Variants in ANKRD28 observed in about 807,000 individuals in gnomAD.
ANKRD28 encodes the protein serine/threonine-protein phosphatase 6 regulatory ankyrin repeat subunit A.
Under a neutral mutation model 126.5 loss-of-function variants are expected in ANKRD28, and 44 were observed. The ratio of observed to expected loss-of-function variants is 0.35; its 90% CI spans 0.27 to 0.45. ANKRD28 has a LOEUF of 0.45. Among genes scored for constraint, ANKRD28 ranks in the 20% least tolerant of loss-of-function variants. ANKRD28 has a pLI of 1.00. For synonymous variants in ANKRD28, 442 were observed against 468.5 expected, an observed-to-expected ratio of 0.94 and a Z score of 0.73; for missense variants, 1,110 against 1,316.6, an observed-to-expected ratio of 0.84 and a Z score of 2.43.
chr3:15,796,879 G>C lies in ANKRD28; in HGVS notation c.-358C>G, dbSNP rs536032080. 1.0e-6 allele frequency: 1 copy of C among 987,566 alleles called. No individual in the cohort carries two copies. Among genetic ancestry groups the C allele is most frequent in the South Asian group, 4.6e-5 (1 of 21,692 alleles). The allele number at this position is 987,566 out of a possible 1,614,324, so 61.2% of individuals were successfully genotyped here. ...ATTGCTCTATCTCTGAAATTTACTT[G>C]CACAAAACAATCATTGTTTTTGGTG... is the stretch of plus-strand genomic sequence containing the variant. On this transcript the variant is annotated 5_prime_UTR_variant, in exon 1 of 28. Transcript: ENST00000683139.
intron 1 of ANKRD28, among the ~76,000 whole-genome samples, chr3:15,847,607 C>A (rs2061555915): frequency 6.6e-6 from 1 of 152,184 alleles, no homozygotes; most frequent in Admixed American, 6.5e-5. Context: ...CTTAGGCCCT[C>A]TAGTCAAATC....
Position 15,797,928 on chromosome 3 carries a change from C to T in ANKRD28, c.-1407G>A. The T allele has an allele frequency of 2.0e-6, 2 of 985,314 alleles. No homozygotes were observed. Among genetic ancestry groups the T allele is most frequent in the Non-Finnish European group, 2.4e-6 (2 of 829,916 alleles). 61.0% of individuals were successfully genotyped at this position (985,314 alleles called of 1,614,324 possible). A position where few individuals can be genotyped will look rare whatever the true frequency, so the allele number is the denominator to read the frequency against. ...AGTCTGAAGAGCAAAGACTGCAGAC[C>T]CACAGGATGAAATGCCTAGTAATGC... is the stretch of plus-strand genomic sequence containing the variant. On this transcript the variant is annotated 5_prime_UTR_variant, in exon 1 of 28. Coordinates refer to ENST00000683139, the MANE Select transcript of ANKRD28 (RefSeq NM_001349278.2).
intron 3 of ANKRD28, among the ~76,000 whole-genome samples, chr3:15,759,471 T>G (rs914304448): frequency 2.6e-5 from 4 of 152,170 alleles, no homozygotes; most frequent in Non-Finnish European, 5.9e-5. Flanking sequence ...TTACTATAGA[T>G]TCTATGGATG....
At chr3:15,671,618 C>G (rs537278849) in intron 27 of ANKRD28, among the ~76,000 whole-genome samples, 20 of 145,164 alleles carry the variant, frequency 1.4e-4, no homozygotes, top group African/African-American at 4.8e-4. Context: ...AGAGTCTGCT[C>G]GGTCACCCAA....
At chr3:15,832,798 A>G (rs984559890) in intron 1 of ANKRD28, among the ~76,000 whole-genome samples, 1 of 152,194 alleles carries the variant, frequency 6.6e-6, no homozygotes, top group Non-Finnish European at 1.5e-5. Context: ...TTCTTTATAC[A>G]TATACACCAC....
chr3:15,828,784 T>C (rs1205837916), intron 1 of ANKRD28, among the ~76,000 whole-genome samples: 1 of 152,190 alleles, frequency 6.6e-6, no homozygotes, highest in Non-Finnish European at 1.5e-5. Context: ...CAGATATTTC[T>C]TGAAACCTTA....
chr3:15,805,963 T>TA lies in ANKRD28; in HGVS notation c.28-10658dup, dbSNP rs143957152. On this transcript the variant is annotated intron_variant, in intron 1 of 27. Coordinates refer to the ANKRD28 transcript ENST00000399451. ...AAAGTGGCTATCGTTTGGGAAATAC[T>TA]AAAAAAAAAATGATTCATGTCTTTC... is the stretch of plus-strand genomic sequence containing the variant. Among the ~76,000 whole-genome samples the TA allele has an allele frequency of 5.2e-3, 780 of 149,152 alleles. 6 individuals carry two copies. The highest frequency in any genetic ancestry group is 0.018 in the African/African-American group (719 of 40,888).
rs565049809 is a variant in ANKRD28 at position 15,687,749 on chromosome 3, C to T, written c.1964-1440G>A. On this transcript the variant is annotated intron_variant, in intron 18 of 27. Transcript: ENST00000683139. ...TGCACTCTGCCAGCAGCTCTCACAG[C>T]TTAGCAACAAAAAACAGGGTCGTAA... Among the ~76,000 whole-genome samples the T allele has an allele frequency of 7.2e-5, 11 of 152,260 alleles. No homozygotes were observed. The East Asian group carries it at 2.1e-3, about 29-fold the overall frequency.
Position 15,830,741 on chromosome 3 carries a change from T to G in ANKRD28, c.27+28636A>C, listed in dbSNP as rs779203525. On this transcript the variant is annotated intron_variant, in intron 1 of 27. Transcript: ENST00000399451. The surrounding 1 kb of genome is among the most constrained non-coding windows in gnomAD (Gnocchi z 4.5). ...TGCTAACCCCTTGGAATGTCCTGCT[T>G]GATAAAGAGTCGTTGTTTACCTGGG... is the stretch of plus-strand genomic sequence containing the variant. Among the ~76,000 whole-genome samples, 6 of 152,002 alleles carry G rather than the reference T, an allele frequency of 3.9e-5. No individual in the cohort carries two copies. Among genetic ancestry groups the G allele is most frequent in the Non-Finnish European group, 7.4e-5 (5 of 67,994 alleles).
chr3:15,772,611 A>C (rs965349927), intron 2 of ANKRD28, among the ~76,000 whole-genome samples: 3 of 152,238 alleles, frequency 2.0e-5, no homozygotes, highest in Non-Finnish European at 2.9e-5. Context: ...TTAGCAGACT[A>C]ATAAAAAGAA....
intron 27 of ANKRD28, among the ~76,000 whole-genome samples, chr3:15,671,218 G>A (rs933291021): frequency 4.6e-5 from 7 of 151,860 alleles, no homozygotes; most frequent in African/African-American, 7.3e-5. Context: ...TTTTTTAAGC[G>A]GAAGACAACT....
intron 3 of ANKRD28, among the ~76,000 whole-genome samples, chr3:15,754,636 G>C (rs1181567646): frequency 1.3e-5 from 2 of 152,046 alleles, no homozygotes; most frequent in African/African-American, 4.8e-5. Flanking sequence ...TGGGGGTCTT[G>C]GAACATACCT....
intron 1 of ANKRD28, among the ~76,000 whole-genome samples, chr3:15,832,272 A>G (rs1393731008): frequency 1.3e-5 from 2 of 152,236 alleles, no homozygotes; most frequent in Non-Finnish European, 2.9e-5. Flanking sequence ...AAATGTGGTA[A>G]GTGAAAATAT....
intron 5 of ANKRD28, among the ~76,000 whole-genome samples, chr3:15,736,743 CAT>C (rs1173790181): frequency 1.3e-5 from 2 of 152,316 alleles, no homozygotes; most frequent in East Asian, 3.9e-4. Context: ...AGAACAATAA[CAT>C]ATCTCTGTCT....
rs370066621 is a variant in ANKRD28, at chr3:15,679,500, G to C, written c.2453C>G (p.Ala818Gly). Residue 818 changes from alanine to glycine, a missense_variant, in exon 22 of 28, where the codon GCT becomes GGT. Ala to Gly is a moderately conservative substitution (Grantham distance 60, BLOSUM62 0). Coordinates refer to ENST00000683139, the MANE Select transcript of ANKRD28 (RefSeq NM_001349278.2). ...CACGGCACAATGCAATGGACTAAAA[G>C]CATTTCCTTCCGTTTTCTGGAAAAC... Reference protein sequence around the residue: ...QEVFQKTEGNAFSPLHCAVIN... With the variant: ...QEVFQKTEGNGFSPLHCAVIN... The C allele has an allele frequency of 1.9e-6, 3 of 1,613,866 alleles. No homozygotes were observed. The South Asian group carries it at 3.3e-5, about 18-fold the overall frequency.
In ANKRD28 at chr3:15,696,194, C is replaced by A. The variant is rs190593875; in HGVS notation, c.1599G>T (p.Lys533Asn). 1 of 1,593,102 alleles carries A rather than the reference C, an allele frequency of 6.3e-7. No homozygotes were observed. The highest frequency in any genetic ancestry group is 8.6e-7 in the Non-Finnish European group (1 of 1,167,738). ...AATAATGAACTGCGTTGTATCCTTG[C>A]TTATCACGGATCCCTGGATTTGCAT... The part of the protein sequence containing the change: ...RNDANPGIRD[K>N]QGYNAVHYSA... The change falls in exon 15 of 28, where the codon AAG becomes AAT. Residue 533 changes from lysine (K) to asparagine (N), a missense_variant. By Grantham distance (94) the Lys-to-Asn change is moderately conservative. Coordinates refer to ENST00000683139, the MANE Select transcript of ANKRD28 (RefSeq NM_001349278.2).
chr3:15,795,094 A>G (rs1395061596), intron 2 of ANKRD28, 129 bp downstream of exon 2: 1 of 667,980 alleles, frequency 1.5e-6, no homozygotes, highest in Non-Finnish European at 2.6e-6. Flanking sequence ...TTGCCTCAAT[A>G]CCTTCCTGCC....
intron 7 of ANKRD28, 65 bp downstream of exon 7, chr3:15,724,317 T>A: frequency 1.5e-6 from 2 of 1,338,632 alleles, no homozygotes; most frequent in Non-Finnish European, 2.0e-6. Context: ...AAATAACTTG[T>A]CAATAATGTA....
intron 14 of ANKRD28, among the ~76,000 whole-genome samples, chr3:15,701,561 T>C (rs1380968996): frequency 1.3e-5 from 2 of 151,940 alleles, no homozygotes; most frequent in Non-Finnish European, 2.9e-5. Context: ...GGAGAATCAC[T>C]TGAACCCAGG....
Sources: allele counts gnomAD v4.1 joint callset (sites outside exome capture counted in the v4.1 genomes callset), GRCh38; gene constraint gnomAD v4.1.1; non-coding constraint Gnocchi (gnomAD v3.1); transcripts MANE v1.5; gene names NCBI Gene and HGNC (gene_info 2026-07-23, HGNC 2026-07-21).